Variants in DIP2C observed in about 807,000 individuals in gnomAD.
The protein encoded by DIP2C is DIP2 acetate--CoA ligase C (putative), also known as disco-interacting protein 2 homolog C.
In DIP2C, 33 loss-of-function variants were observed where a neutral mutation model predicts 192.4. The ratio of observed to expected loss-of-function variants is 0.17; its 90% CI spans 0.13 to 0.23. The LOEUF (loss-of-function observed/expected upper bound fraction) is 0.23. Among genes scored for constraint, DIP2C ranks in the 10% least tolerant of loss-of-function variants. The pLI is 1.00. For missense variants in DIP2C, 1,537 were observed against 2,110.1 expected, an observed-to-expected ratio of 0.73 and a Z score of 5.32; for synonymous variants, 979 against 864.1, an observed-to-expected ratio of 1.13 and a Z score of -2.33.
intron 17 of DIP2C, chr10:369,975 C>T (rs1482418814): frequency 3.0e-6 from 3 of 985,294 alleles, no homozygotes; most frequent in Non-Finnish European, 3.6e-6. Context: ...TCTCTCTTTC[C>T]TCCCGGCTCC....
intron 1 of DIP2C, among the ~76,000 whole-genome samples, chr10:526,874 A>G (rs1847087455): frequency 6.6e-6 from 1 of 152,216 alleles, no homozygotes; most frequent in African/African-American, 2.4e-5. Context: ...TCCCCGGCAG[A>G]GTCCCTGGTG....
At position 584,712 on chromosome 10, in the gene DIP2C, G is replaced by A. The variant is rs59123480; in HGVS notation, c.86-98182C>T. Among the ~76,000 whole-genome samples, 209 of 66,692 alleles carry A rather than the reference G, an allele frequency of 3.1e-3. 4 individuals are homozygous for A. Among genetic ancestry groups the A allele is most frequent in the African/African-American group, 0.014 (125 of 9,022 alleles). 43.8% of individuals were successfully genotyped at this position (66,692 alleles called of 152,430 possible). ...GCATCACCTCTCAATCTCGGGGCCC[G>A]CGACCTGACCCCCACTCACGCGCAT... On this transcript the variant is annotated intron_variant, in intron 1 of 36. Coordinates refer to ENST00000280886, the MANE Select transcript of DIP2C (RefSeq NM_014974.3).
At chr10:358,462 T>G (rs1959175195) in intron 22 of DIP2C, among the ~76,000 whole-genome samples, 1 of 146,608 alleles carries the variant, frequency 6.8e-6, no homozygotes, top group Admixed American at 6.9e-5. Context: ...CTCGGTATGT[T>G]ATACTGACTG....
At chr10:589,656 T>TA (rs1487789008) in intron 1 of DIP2C, among the ~76,000 whole-genome samples, 1 of 152,198 alleles carries the variant, frequency 6.6e-6, no homozygotes, top group Non-Finnish European at 1.5e-5. Context: ...CTCCTGAGCA[T>TA]AATTTACGAC....
chr10:387,207 G>T (rs1445459551), intron 14 of DIP2C, among the ~76,000 whole-genome samples: 1 of 152,324 alleles, frequency 6.6e-6, no homozygotes, highest in East Asian at 1.9e-4. Context: ...ATCTCCACGT[G>T]AGCCCTGGAA....
At chr10:603,069 C>A (rs1327757226) in intron 1 of DIP2C, among the ~76,000 whole-genome samples, 1 of 152,054 alleles carries the variant, frequency 6.6e-6, no homozygotes, top group Admixed American at 6.5e-5. Context: ...CACATCACCA[C>A]TAATTTGCAC....
chr10:504,654 G>A (rs1237474955), intron 1 of DIP2C, among the ~76,000 whole-genome samples: 1 of 152,252 alleles, frequency 6.6e-6, no homozygotes, highest in African/African-American at 2.4e-5. Context: ...CAAGTGACAA[G>A]ATGAGACGCT....
rs35031456 is a variant in DIP2C, at chr10:334,304, C to CAAAAAAAAAA, written c.3585-4713_3585-4704dup. ...CCCGGGTGACAGAGCAAGACTGTCT[C>CAAAAAAAAAA]AAAAAAAAAAAAAAAAAAAAAGAAA... On this transcript the variant is annotated intron_variant, in intron 29 of 36. Transcript: ENST00000280886. Among the ~76,000 whole-genome samples the CAAAAAAAAAA allele has an allele frequency of 2.7e-4, 22 of 82,390 alleles. 2 individuals carry two copies. The highest frequency in any genetic ancestry group is 6.2e-4 in the African/African-American group (12 of 19,432). 54.1% of individuals were successfully genotyped at this position (82,390 alleles called of 152,430 possible). A position where few individuals can be genotyped will look rare whatever the true frequency, so the allele number is the denominator to read the frequency against.
chr10:583,761 G>T (rs1201217488), intron 1 of DIP2C, among the ~76,000 whole-genome samples: 1 of 152,194 alleles, frequency 6.6e-6, no homozygotes, highest in Non-Finnish European at 1.5e-5. Context: ...TATTAAATGA[G>T]TTATCAAAGC....
intron 1 of DIP2C, among the ~76,000 whole-genome samples, chr10:546,343 G>A (rs816646): frequency 0.58 from 87,976 of 150,980 alleles, 26,420 homozygotes; most frequent in African/African-American, 0.73. Context: ...TTAATAAACA[G>A]CACAGTCTTA....
At position 415,757 on chromosome 10, in the gene DIP2C, G is replaced by A; in HGVS notation, c.859+12C>T. On this transcript the variant is annotated intron_variant, in intron 7 of 36. Transcript: ENST00000280886. The stretch of plus-strand genomic sequence containing the variant: ...GCATCTGGAAGAAACGTGTGGTAAA[G>A]AGTTCTCTCACCTTCTAATAATTCT... 1.2e-6 allele frequency: 2 copies of A among 1,613,838 alleles called. No individual in the cohort carries two copies. Among genetic ancestry groups the A allele is most frequent in the South Asian group, 1.1e-5 (1 of 91,036 alleles).
intron 1 of DIP2C, among the ~76,000 whole-genome samples, chr10:508,427 G>GTGCTTTT (rs1490756595): frequency 2.0e-5 from 3 of 152,184 alleles, no homozygotes; most frequent in Non-Finnish European, 4.4e-5. Flanking sequence ...GCAAAAGGGG[G>GTGCTTTT]TTAATTCTAA....
intron 4 of DIP2C, among the ~76,000 whole-genome samples, chr10:429,176 A>C (rs1262426166): frequency 6.6e-6 from 1 of 151,830 alleles, no homozygotes; most frequent in Non-Finnish European, 1.5e-5. Flanking sequence ...CTACTAAAAA[A>C]TCCTCCTGCT....
In DIP2C at chr10:300,569, T is replaced by C. The variant is rs529979155; in HGVS notation, c.3986+9462A>G. 2.6e-5 allele frequency among the ~76,000 whole-genome samples: 4 copies of C among 152,018 alleles called. No homozygotes were observed. The South Asian group carries it at 8.3e-4, about 32-fold the overall frequency. On this transcript the variant is annotated intron_variant, in intron 32 of 36. Coordinates refer to ENST00000280886, the MANE Select transcript of DIP2C (RefSeq NM_014974.3). ...CCAGAACCAGGAGCAGCCCTGCGTGTGTGGAGAAACCGGAAACCAGGCACG... is the reference window on the plus strand; with the variant it reads ...CCAGAACCAGGAGCAGCCCTGCGTGCGTGGAGAAACCGGAAACCAGGCACG...
At chr10:461,468 T>C (rs188306165) in intron 3 of DIP2C, among the ~76,000 whole-genome samples, 23 of 152,232 alleles carry the variant, frequency 1.5e-4, no homozygotes, top group African/African-American at 5.1e-4. Flanking sequence ...AAGGGATCAA[T>C]ACAACAAGAA....
At chr10:658,206 C>A (rs1238105657) in intron 1 of DIP2C, among the ~76,000 whole-genome samples, 9 of 150,986 alleles carry the variant, frequency 6.0e-5, no homozygotes, top group South Asian at 2.1e-4. Flanking sequence ...TGTCCCTGGA[C>A]CTGCCCCTGG....
chr10:447,775 A>C (rs1229753010), intron 3 of DIP2C, among the ~76,000 whole-genome samples: 6 of 114,794 alleles, frequency 5.2e-5, no homozygotes, highest in Admixed American at 4.8e-4. Context: ...ATCCCCGTCT[A>C]TACTCAGGAT....
chr10:445,234 T>C lies in DIP2C; in HGVS notation c.269-4238A>G, dbSNP rs572566300. Among the ~76,000 whole-genome samples, 4 of 151,558 alleles carry C rather than the reference T, an allele frequency of 2.6e-5. 1 individual carries two copies. The South Asian group carries it at 8.7e-4, about 33-fold the overall frequency. On this transcript the variant is annotated intron_variant, in intron 3 of 36. Coordinates refer to ENST00000280886, the MANE Select transcript of DIP2C (RefSeq NM_014974.3). ...TGCACTGGGCATCTGTATACAACTG[T>C]TGTGAAGAGTCTCATGGCCCATGGG... is the stretch of plus-strand genomic sequence containing the variant.
chr10:321,185 A>G (rs893725114), intron 31 of DIP2C, among the ~76,000 whole-genome samples: 1 of 152,206 alleles, frequency 6.6e-6, no homozygotes, highest in South Asian at 2.1e-4. Flanking sequence ...TTCCTGTGTC[A>G]GGTATGTTCT....
Sources: gnomAD v4.1 joint callset for allele counts (sites outside exome capture counted in the v4.1 genomes callset) on GRCh38, gnomAD v4.1.1 for gene constraint, MANE v1.5 for transcripts, NCBI Gene and HGNC (gene_info 2026-07-23, HGNC 2026-07-21) for gene names.